Variants in PCDHA13 observed in about 807,000 individuals in gnomAD.
The protein encoded by PCDHA13 is protocadherin alpha-13.
PCDHA13 carries 54 observed loss-of-function variants against 64.8 expected under a neutral mutation model. That is an observed-to-expected ratio of 0.83 (90% CI 0.67 to 1.04). The LOEUF is 1.04. Among genes scored for constraint, PCDHA13 ranks in the 50% least tolerant of loss-of-function variants. PCDHA13 has a pLI of 0.00. For missense variants in PCDHA13, 1,248 were observed against 1,254.3 expected, an observed-to-expected ratio of 0.99 and a Z score of 0.08; for synonymous variants, 587 against 564.4, an observed-to-expected ratio of 1.04 and a Z score of -0.57.
intron 1 of PCDHA13, among the ~76,000 whole-genome samples, chr5:140,886,739 T>C (rs1411142692): frequency 6.6e-6 from 1 of 151,488 alleles, no homozygotes; most frequent in Non-Finnish European, 1.5e-5. Context: ...AGCAAGAGAA[T>C]TGCTTGAACC....
At chr5:140,971,586 C>G (rs1290834481) in intron 1 of PCDHA13, among the ~76,000 whole-genome samples, 1 of 152,022 alleles carries the variant, frequency 6.6e-6, no homozygotes, top group Non-Finnish European at 1.5e-5. Context: ...TTTTTCCTAC[C>G]TAGTTACTAC....
Position 140,978,838 on chromosome 5 carries a change from A to G in PCDHA13, c.2395-111A>G, listed in dbSNP as rs571929271. 3.9e-6 allele frequency: 6 copies of G among 1,554,610 alleles called. No homozygotes were observed. In the African/African-American group the frequency reaches 5.5e-5, roughly 14 times the overall value. On this transcript the variant is annotated intron_variant, in intron 1 of 3. Transcript: ENST00000289272. ...TTACACATGAAATGGCTCATTCAAT[A>G]CTTTTTTAGATGCCTGGAAATATTT... is the stretch of plus-strand genomic sequence containing the variant.
chr5:140,994,515 C>A (rs1450335712), intron 3 of PCDHA13, among the ~76,000 whole-genome samples: 1 of 150,238 alleles, frequency 6.7e-6, no homozygotes, highest in African/African-American at 2.5e-5. Context: ...ACAGCCTGGG[C>A]AACATGGCAA....
intron 3 of PCDHA13, among the ~76,000 whole-genome samples, chr5:140,985,949 C>T (rs1195801055): frequency 2.6e-5 from 4 of 152,032 alleles, no homozygotes; most frequent in African/African-American, 9.7e-5. Context: ...CTGTGTTAGC[C>T]AGGATGGTCT....
At chr5:140,928,696 C>A in intron 1 of PCDHA13, 2 of 1,614,146 alleles carry the variant, frequency 1.2e-6, no homozygotes, top group South Asian at 2.2e-5. Flanking sequence ...CCACATCTCC[C>A]GGGCGTCTGA....
At chr5:140,972,353 T>C (rs571045648) in intron 1 of PCDHA13, among the ~76,000 whole-genome samples, 5 of 152,058 alleles carry the variant, frequency 3.3e-5, no homozygotes, top group South Asian at 2.1e-4. Flanking sequence ...TCTCACTATG[T>C]TGCACATGCT....
chr5:140,969,783 A>G (rs1293806015), intron 1 of PCDHA13, among the ~76,000 whole-genome samples: 1 of 152,228 alleles, frequency 6.6e-6, no homozygotes, highest in Non-Finnish European at 1.5e-5. Context: ...GGGCTATCAT[A>G]GTCACCACTA....
At chr5:140,959,712 T>G (rs166567) in intron 1 of PCDHA13, among the ~76,000 whole-genome samples, 1 of 152,020 alleles carries the variant, frequency 6.6e-6, no homozygotes, top group African/African-American at 2.4e-5. Flanking sequence ...AAAGGGAAAA[T>G]TTTTAGATAA....
chr5:140,927,193 C>A, intron 1 of PCDHA13: 1 of 1,614,186 alleles, frequency 6.2e-7, no homozygotes, highest in Non-Finnish European at 8.5e-7. Context: ...CGACCTGGTG[C>A]TCGAGGACCC....
intron 1 of PCDHA13, among the ~76,000 whole-genome samples, chr5:140,948,075 T>C (rs1554218432): frequency 1.3e-5 from 2 of 151,684 alleles, no homozygotes; most frequent in Non-Finnish European, 3.0e-5. Flanking sequence ...AATTTTCTTT[T>C]AATCTATTGA....
rs79831933 is a variant in PCDHA13, at chr5:140,933,507, A to G, written c.2395-45442A>G. ...TATTCTTTAGAATTGTTAAGCAAAG[A>G]CTACAGCTGTTTTGTTTAAACTCAA... On this transcript the variant is annotated intron_variant, in intron 1 of 3. Transcript: ENST00000289272. 5.9e-3 allele frequency among the ~76,000 whole-genome samples: 898 copies of G among 152,170 alleles called. 13 individuals carry two copies. Among genetic ancestry groups the G allele is most frequent in the African/African-American group, 0.02 (841 of 41,572 alleles).
chr5:140,960,438 T>C (rs1403944664), intron 1 of PCDHA13, among the ~76,000 whole-genome samples: 4 of 152,180 alleles, frequency 2.6e-5, no homozygotes, highest in African/African-American at 9.7e-5. Context: ...ATACTCTAGA[T>C]ATATGTATGG....
intron 1 of PCDHA13, among the ~76,000 whole-genome samples, chr5:140,932,539 AT>A (rs782246299): frequency 3.3e-5 from 5 of 152,008 alleles, no homozygotes; most frequent in Admixed American, 2.0e-4. Context: ...AAGGTGCTTT[AT>A]TTAACATACA....
In PCDHA13 at chr5:141,003,240, CAA is replaced by C. The variant is rs1287973511; in HGVS notation, c.2543-6383_2543-6382del. ...GAAAGAGGAAAGCTGGAAATTTTGC[CAA>C]AAAGATTCCTGGGCAGTGCCTAAGG... On this transcript the variant is annotated intron_variant, in intron 3 of 3. Transcript: ENST00000289272. Among the ~76,000 whole-genome samples the C allele has an allele frequency of 2.6e-5, 4 of 152,150 alleles. No individual in the cohort carries two copies. In the East Asian group the frequency reaches 7.7e-4, roughly 29 times the overall value.
chr5:140,903,713 A>G (rs1391210068), intron 1 of PCDHA13, among the ~76,000 whole-genome samples: 1 of 152,206 alleles, frequency 6.6e-6, no homozygotes, highest in Non-Finnish European at 1.5e-5. Flanking sequence ...TAAAATATAC[A>G]ATTCTCCCTA....
In PCDHA13 at chr5:140,982,208, G is replaced by A. The variant is rs146224628; in HGVS notation, c.2454-267G>A. 246 of 434,966 alleles carry A rather than the reference G, an allele frequency of 5.7e-4. 1 individual carries two copies. The highest frequency in any genetic ancestry group is 7.4e-4 in the Non-Finnish European group (200 of 268,658). 26.9% of individuals were successfully genotyped at this position (434,966 alleles called of 1,614,324 possible). ...GGGCTTCCTGTTAGATTTAGTGAGC[G>A]CCACATGGCGTTAATAAAAAACAGA... On this transcript the variant is annotated intron_variant, in intron 2 of 3. Coordinates refer to ENST00000289272, the MANE Select transcript of PCDHA13 (RefSeq NM_018904.3).
At chr5:140,948,857 T>C (rs1554218731) in intron 1 of PCDHA13, among the ~76,000 whole-genome samples, 2 of 151,686 alleles carry the variant, frequency 1.3e-5, no homozygotes. Flanking sequence ...TGCCTTCTTA[T>C]ATTACTTCGG....
At chr5:140,943,144 G>C (rs894787678) in intron 1 of PCDHA13, among the ~76,000 whole-genome samples, 1 of 151,178 alleles carries the variant, frequency 6.6e-6, no homozygotes, top group Non-Finnish European at 1.5e-5. Context: ...TGTAGTCCCA[G>C]CTACTCTGGA....
chr5:140,884,056 G>C lies in PCDHA13; in HGVS notation c.1788G>C (p.Ala596=), dbSNP rs782776341. The stretch of plus-strand genomic sequence containing the variant: ...GCCACGTGGTGGCGAAGGTGCGCGC[G>C]GTGGACGCCGATTCGGGCTACAATG... ...GAGHVVAKVR[A]VDADSGYNAW... The change falls in exon 1 of 4, where the codon GCG becomes GCC. Residue 596 remains alanine, a synonymous_variant. Transcript: ENST00000289272. The C allele has an allele frequency of 6.2e-7, 1 of 1,613,476 alleles. No individual in the cohort carries two copies. Among genetic ancestry groups the C allele is most frequent in the African/African-American group, 1.3e-5 (1 of 75,046 alleles).
Sources: gnomAD v4.1 joint callset for allele counts (sites outside exome capture counted in the v4.1 genomes callset) on GRCh38, gnomAD v4.1.1 for gene constraint, MANE v1.5 for transcripts, NCBI Gene and HGNC (gene_info 2026-07-23, HGNC 2026-07-21) for gene names.